ANGEL2: variants seen among roughly 807,000 people sequenced by gnomAD.
The protein encoded by ANGEL2 is angel homolog 2.
In ANGEL2, 41 loss-of-function variants were observed where a neutral mutation model predicts 66.0. The observed-to-expected ratio is 0.62, with a 90% CI of 0.48 to 0.81. The LOEUF (loss-of-function observed/expected upper bound fraction) is 0.81. Among genes scored for constraint, ANGEL2 ranks in the 30% least tolerant of loss-of-function variants. The pLI is 0.00. For missense variants in ANGEL2, 561 were observed against 641.6 expected (o/e 0.87, Z 1.36); for synonymous variants, 208 against 226.5 (o/e 0.92, Z 0.73).
chr1:213,006,993 C>T, intron 4 of ANGEL2, 136 bp downstream of exon 4: 1 of 728,372 alleles, frequency 1.4e-6, no homozygotes, highest in East Asian at 2.9e-5. Flanking sequence ...ACTCAGGAAG[C>T]CGAAATGAGA....
Position 212,993,389 on chromosome 1 carries a change from C to G in ANGEL2, c.*1652G>C, listed in dbSNP as rs980823312. 1.3e-5 allele frequency: 2 copies of G among 152,186 alleles called. No homozygotes were observed. The highest frequency in any genetic ancestry group is 4.8e-5 in the African/African-American group (2 of 41,464). 9.4% of individuals were successfully genotyped at this position (152,186 alleles called of 1,614,324 possible). A position where few individuals can be genotyped will look rare whatever the true frequency, so the allele number is the denominator to read the frequency against. The stretch of plus-strand genomic sequence containing the variant: ...CAATTACAATTTTTACTAGACAAAT[C>G]TTATAATCCACATGCCTTCTCTGAG... On this transcript the variant is annotated 3_prime_UTR_variant, in exon 9 of 9. Transcript: ENST00000366962.
Position 213,015,801 on chromosome 1 carries a change from G to A in ANGEL2, c.-130C>T. On this transcript the variant is annotated 5_prime_UTR_variant, in exon 1 of 9. Transcript: ENST00000366962. Reference sequence around the variant, plus strand: ...TACCGACTCCAGTCCTGGCTGCAAGGCATGCTGGGAGGTGCAGTCTCGCCG... The same window carrying A: ...TACCGACTCCAGTCCTGGCTGCAAGACATGCTGGGAGGTGCAGTCTCGCCG... 2 of 1,277,824 alleles carry A rather than the reference G, an allele frequency of 1.6e-6. No individual in the cohort carries two copies. The highest frequency in any genetic ancestry group is 2.2e-6 in the Non-Finnish European group (2 of 907,596). The allele number at this position is 1,277,824 out of a possible 1,614,324, so 79.2% of individuals were successfully genotyped here. A position where few individuals can be genotyped will look rare whatever the true frequency, so the allele number is the denominator to read the frequency against.
intron 5 of ANGEL2, among the ~76,000 whole-genome samples, 180 bp downstream of exon 5, chr1:213,004,853 G>GT (rs1048444340): frequency 1.7e-5 from 2 of 117,622 alleles, no homozygotes; most frequent in African/African-American, 6.4e-5. Flanking sequence ...GGGCGACAGA[G>GT]TGAGACTGTC....
chr1:212,997,380 T>G, intron 7 of ANGEL2, 62 bp from the exon 8 acceptor site: 1 of 1,441,536 alleles, frequency 6.9e-7, no homozygotes. Context: ...ATTCCTCCTA[T>G]CTGAATTTCT....
At chr1:213,007,101 A>G in intron 4 of ANGEL2, 28 bp downstream of exon 4, 1 of 945,560 alleles carries the variant, frequency 1.1e-6, no homozygotes, top group Non-Finnish European at 1.4e-6. Context: ...TCAAAAAAGA[A>G]AAAAAAAAAA....
intron 8 of ANGEL2, among the ~76,000 whole-genome samples, chr1:212,996,640 A>AAAAAAAAAAT (rs56102625): frequency 2.0e-4 from 13 of 66,472 alleles, no homozygotes; most frequent in African/African-American, 3.5e-4. Flanking sequence ...AAAAAAAAAA[A>AAAAAAAAAAT]ATATATATAT....
chr1:212,999,939 C>G (rs1406882764), intron 7 of ANGEL2, among the ~76,000 whole-genome samples: 3 of 152,160 alleles, frequency 2.0e-5, no homozygotes, highest in Non-Finnish European at 4.4e-5. Context: ...GTGATCTTGA[C>G]CTTTGTTTAA....
At chr1:212,996,109 C>T (rs575646879) in intron 8 of ANGEL2, among the ~76,000 whole-genome samples, 2 of 152,130 alleles carry the variant, frequency 1.3e-5, no homozygotes, top group Admixed American at 1.3e-4. Flanking sequence ...AGATCGAGAC[C>T]ATCCTGGCCA....
intron 5 of ANGEL2, chr1:213,002,364 G>C (rs1387952025): frequency 6.6e-6 from 1 of 152,196 alleles, no homozygotes; most frequent in Non-Finnish European, 1.5e-5. Context: ...AATATTCTAT[G>C]CCATAAACAG....
chr1:212,997,697 A>C (rs1249596750), intron 7 of ANGEL2, among the ~76,000 whole-genome samples: 1 of 152,208 alleles, frequency 6.6e-6, no homozygotes, highest in African/African-American at 2.4e-5. Flanking sequence ...ACTTTTGATG[A>C]CAGAGAGGCC....
intron 1 of ANGEL2, among the ~76,000 whole-genome samples, chr1:213,013,897 G>A (rs889856718): frequency 1.3e-5 from 2 of 152,188 alleles, no homozygotes; most frequent in African/African-American, 4.8e-5. Flanking sequence ...ACCAAGGGCA[G>A]ATTTTTCCAA....
chr1:213,010,116 A>G (rs2076464831), intron 2 of ANGEL2, among the ~76,000 whole-genome samples: 1 of 152,074 alleles, frequency 6.6e-6, no homozygotes, highest in Non-Finnish European at 1.5e-5. Context: ...TCAACTATGA[A>G]GAATTTTGCC....
chr1:213,010,562 C>T (rs1347207805), intron 2 of ANGEL2, among the ~76,000 whole-genome samples: 3 of 136,644 alleles, frequency 2.2e-5, no homozygotes, highest in Non-Finnish European at 4.9e-5. Flanking sequence ...ACAGAGTGAG[C>T]CTTCGTCTCA....
chr1:212,997,333 A>G lies in ANGEL2; in HGVS notation c.1320-15T>C. The G allele has an allele frequency of 1.3e-6, 2 of 1,586,952 alleles. No individual in the cohort carries two copies. Among genetic ancestry groups the G allele is most frequent in the Non-Finnish European group, 8.6e-7 (1 of 1,160,004 alleles). ...TTGAAGACAATCTAAATAGAAAAGA[A>G]GAAGTGTTTAGAATCCGAGTTTTTG... On this transcript the variant is annotated splice_polypyrimidine_tract_variant and intron_variant, in intron 7 of 8. Coordinates refer to ENST00000366962, the MANE Select transcript of ANGEL2 (RefSeq NM_144567.5).
intron 3 of ANGEL2, 88 bp downstream of exon 3, chr1:213,008,122 C>T: frequency 7.6e-6 from 11 of 1,449,074 alleles, no homozygotes; most frequent in Non-Finnish European, 1.0e-5. Context: ...CCTCAGCCTC[C>T]CAAAGTGCTG....
At position 212,997,400 on chromosome 1, in the gene ANGEL2, A is replaced by G. The variant is rs1363030304; in HGVS notation, c.1320-82T>C. The stretch of plus-strand genomic sequence containing the variant: ...TCCTATCTGAATTTCTTTTTCACTT[A>G]ATTTCTAGACTAAGACCAAACATTA... On this transcript the variant is annotated intron_variant, in intron 7 of 8. Coordinates refer to ENST00000366962, the MANE Select transcript of ANGEL2 (RefSeq NM_144567.5). 2.4e-6 allele frequency: 3 copies of G among 1,264,594 alleles called. No individual in the cohort carries two copies. In the African/African-American group the frequency reaches 4.5e-5, roughly 19 times the overall value. The allele number at this position is 1,264,594 out of a possible 1,614,324, so 78.3% of individuals were successfully genotyped here.
rs966591651 is a variant in ANGEL2 at position 212,992,249 on chromosome 1, C to T, written c.*2792G>A. 3 of 152,160 alleles carry T rather than the reference C, an allele frequency of 2.0e-5. No individual in the cohort carries two copies. The highest frequency in any genetic ancestry group is 7.2e-5 in the African/African-American group (3 of 41,450). 9.4% of individuals were successfully genotyped at this position (152,160 alleles called of 1,614,324 possible). A position where few individuals can be genotyped will look rare whatever the true frequency, so the allele number is the denominator to read the frequency against. ...GCAAATGACTTGACGCCTCTCTTTC[C>T]CCAATCCCTTGAACTCTCTGGATCT... On this transcript the variant is annotated 3_prime_UTR_variant, in exon 9 of 9. Transcript: ENST00000366962.
chr1:212,996,634 AAAAAAAATATATATATATATAT>A (rs2076020056), intron 8 of ANGEL2, among the ~76,000 whole-genome samples: 2 of 49,202 alleles, frequency 4.1e-5, no homozygotes, highest in African/African-American at 8.6e-5. Flanking sequence ...AAAAAAAAAA[AAAAAAAATATATATATATATAT>A]ATATATATAT....
chr1:213,008,157 C>T (rs776234581), intron 3 of ANGEL2, 53 bp downstream of exon 3: 195 of 1,570,308 alleles, frequency 1.2e-4, no homozygotes, highest in Non-Finnish European at 1.5e-4. Flanking sequence ...AGCCAGTGTG[C>T]CCGGCCCCAA....
Sources: gnomAD v4.1 joint callset for allele counts (sites outside exome capture counted in the v4.1 genomes callset) on GRCh38, gnomAD v4.1.1 for gene constraint, MANE v1.5 for transcripts, NCBI Gene and HGNC (gene_info 2026-07-23, HGNC 2026-07-21) for gene names.